KIF7: variants seen among roughly 807,000 people sequenced by gnomAD.
KIF7 encodes the protein kinesin-like protein KIF7.
A neutral mutation model predicts 135.7 loss-of-function variants in KIF7; 104 were observed. The observed-to-expected ratio is 0.77, with a 90% CI of 0.65 to 0.90. The LOEUF is 0.90. Among genes scored for constraint, KIF7 ranks in the 40% least tolerant of loss-of-function variants. The probability of loss-of-function intolerance (pLI) is 0.00; values close to 1 mark genes in which losing one functional copy is unlikely to be tolerated. For missense variants in KIF7, 2,005 were observed against 1,839.1 expected (o/e 1.09, Z -1.65); for synonymous variants, 883 against 809.4 (o/e 1.09, Z -1.54).
chr15:89,628,486 G>A lies in KIF7; in HGVS notation c.3965C>T (p.Ser1322Phe), dbSNP rs1163281822. 1 of 1,612,298 alleles carries A rather than the reference G, an allele frequency of 6.2e-7. No individual in the cohort carries two copies. Among genetic ancestry groups the A allele is most frequent in the Non-Finnish European group, 8.5e-7 (1 of 1,179,482 alleles). Residue 1322 changes from serine to phenylalanine, a missense_variant, in exon 19 of 19, where the codon TCC (serine) becomes TTC (phenylalanine). Transcript: ENST00000394412. ...TCGTCGCAGTTCCCGCCGGGGCTTG[G>A]ACAAAGGCCCAAAGTTCCAGGGCAG... ...AGLPWNFGPL[S>F]KPRRELRRAS...
Position 89,630,278 on chromosome 15 carries a change from C to T in KIF7, c.3318+9G>A. 1 of 1,613,438 alleles carries T rather than the reference C, an allele frequency of 6.2e-7. No individual in the cohort carries two copies. Among genetic ancestry groups the T allele is most frequent in the Non-Finnish European group, 8.5e-7 (1 of 1,179,578 alleles). ...GGAGGAGCTGGGGGGCCATGGGCTG[C>T]TGGCCCACCTTGTCAAAATACTTGC... is the stretch of plus-strand genomic sequence containing the variant. On this transcript the variant is annotated intron_variant, in intron 16 of 18. Coordinates refer to ENST00000394412, the MANE Select transcript of KIF7 (RefSeq NM_198525.3).
chr15:89,623,843 G>A (rs777600069), downstream of KIF7: 10 of 1,613,660 alleles, frequency 6.2e-6, no homozygotes, highest in Middle Eastern at 1.6e-4. Flanking sequence ...CCTCAAAAAC[G>A]ACATACCCAG....
chr15:89,642,529 A>T (rs1480146989), intron 10 of KIF7, 124 bp from the exon 11 acceptor site: 3 of 649,166 alleles, frequency 4.6e-6, no homozygotes, highest in Non-Finnish European at 5.3e-6. Flanking sequence ...CCTTTGCACC[A>T]CCAGTACCAC....
chr15:89,623,381 T>C (rs1487653432), downstream of KIF7, among the ~76,000 whole-genome samples: 4 of 152,220 alleles, frequency 2.6e-5, no homozygotes, highest in Non-Finnish European at 4.4e-5. Context: ...ATATGTAGAT[T>C]ATTAAAATTA....
chr15:89,639,246 C>T (rs1352434165), intron 11 of KIF7, among the ~76,000 whole-genome samples: 3 of 152,182 alleles, frequency 2.0e-5, no homozygotes, highest in Non-Finnish European at 4.4e-5. Flanking sequence ...GACTTCATGT[C>T]TAAAACACCA....
At chr15:89,625,170 CTA>C, downstream of KIF7, 2 of 1,613,836 alleles carry the variant, frequency 1.2e-6, no homozygotes, top group Non-Finnish European at 1.7e-6. Flanking sequence ...CTGAACCCAC[CTA>C]TGTGTCACCC....
intron 6 of KIF7, 34 bp from the exon 7 acceptor site, chr15:89,647,091 G>A (rs1421554121): frequency 2.6e-6 from 4 of 1,516,606 alleles, no homozygotes; most frequent in Non-Finnish European, 3.6e-6. Context: ...AAGGGGGCAT[G>A]AATGCCCCGA....
At chr15:89,638,501 A>G (rs1288176076) in intron 11 of KIF7, among the ~76,000 whole-genome samples, 2 of 151,622 alleles carry the variant, frequency 1.3e-5, no homozygotes, top group South Asian at 4.2e-4. Context: ...TTATACACCA[A>G]CAACAAACAG....
rs1314996435 is a variant in KIF7 at position 89,633,150 on chromosome 15, T to C, written c.2709A>G (p.Glu903=). The change falls in exon 13 of 19, where the codon GAA becomes GAG. Residue 903 remains glutamate (E), a synonymous_variant. Transcript: ENST00000394412. ...CACAGCCTGGCCCCACCTGCTGCTG[T>C]TCCAGGCTGACCACAGAGCCGTTGC... ...SGSNGSVVSL[E]QQQKIEEQKK... 1 of 1,603,246 alleles carries C rather than the reference T, an allele frequency of 6.2e-7. No homozygotes were observed. The highest frequency in any genetic ancestry group is 1.1e-5 in the South Asian group (1 of 90,924).
chr15:89,651,450 T>A (rs1016037484), intron 2 of KIF7, among the ~76,000 whole-genome samples: 1 of 151,632 alleles, frequency 6.6e-6, no homozygotes, highest in Non-Finnish European at 1.5e-5. Context: ...GCTAGGCTGG[T>A]CTCGAACTCC....
At chr15:89,661,372 T>A in the KIF7 span, among the ~76,000 whole-genome samples, 1 of 152,024 alleles carries the variant, frequency 6.6e-6, no homozygotes, top group African/African-American at 2.4e-5. Flanking sequence ...TGTATTGGGG[T>A]GTATATATAG....
At chr15:89,621,982 C>CTTTTTTT (rs34123859) in intron 1 of KIF7, among the ~76,000 whole-genome samples, 13 of 87,740 alleles carry the variant, frequency 1.5e-4, no homozygotes, top group Admixed American at 2.7e-4. Flanking sequence ...CAAACTGACT[C>CTTTTTTT]TTTTTTTTTT....
intron 5 of KIF7, 70 bp from the exon 6 acceptor site, chr15:89,647,782 G>C: frequency 8.6e-7 from 1 of 1,161,976 alleles, no homozygotes; most frequent in Non-Finnish European, 1.2e-6. Flanking sequence ...GCCTCTTCTT[G>C]TTTAGCCCTG....
intron 11 of KIF7, among the ~76,000 whole-genome samples, chr15:89,635,137 TAACA>T (rs1483692128): frequency 6.6e-6 from 1 of 151,676 alleles, no homozygotes; most frequent in Non-Finnish European, 1.5e-5. Flanking sequence ...GAAGGAAAAC[TAACA>T]AACAGAAAGG....
At chr15:89,625,705 G>A, downstream of KIF7, 1 of 1,613,546 alleles carries the variant, frequency 6.2e-7, no homozygotes, top group Non-Finnish European at 8.5e-7. Context: ...AGATTCAGAA[G>A]TTAGTAAGAG....
chr15:89,642,221 C>A lies in KIF7; in HGVS notation c.2376G>T (p.Ala792=). Residue 792 remains alanine, a synonymous_variant, in exon 11 of 19, where the codon GCG becomes GCT. Transcript: ENST00000394412. ...GACTAACCTGCACCTGGCTCTGGGC[C>A]GCAGCGACCCTCCTGCGGAACTCCT... ...RLQEFRRRVA[A]AQSQVQVLKE... is the part of the protein sequence containing the mutation. The A allele has an allele frequency of 6.2e-7, 1 of 1,610,342 alleles. No individual in the cohort carries two copies. The highest frequency in any genetic ancestry group is 2.2e-5 in the East Asian group (1 of 44,842).
chr15:89,637,135 A>G (rs1963824845), intron 11 of KIF7, among the ~76,000 whole-genome samples: 1 of 115,028 alleles, frequency 8.7e-6, no homozygotes, highest in South Asian at 3.6e-4. Flanking sequence ...AACCAACGAG[A>G]ACAAAGACAC....
intron 10 of KIF7, among the ~76,000 whole-genome samples, chr15:89,643,614 C>T (rs1021211580): frequency 3.3e-5 from 5 of 152,148 alleles, no homozygotes; most frequent in Non-Finnish European, 7.3e-5. Flanking sequence ...GTGCCGGGTG[C>T]GGTGGCTCAC....
chr15:89,619,210 A>ACAC (rs964791172), intron 1 of KIF7, among the ~76,000 whole-genome samples: 1 of 143,532 alleles, frequency 7.0e-6, no homozygotes. Flanking sequence ...TTTTCGCCCT[A>ACAC]CACCATTCTT....
Sources: gnomAD v4.1 joint callset for allele counts (sites outside exome capture counted in the v4.1 genomes callset) on GRCh38, gnomAD v4.1.1 for gene constraint, MANE v1.5 for transcripts, NCBI Gene and HGNC (gene_info 2026-07-23, HGNC 2026-07-21) for gene names.